FARP1: variants seen among roughly 807,000 people sequenced by gnomAD.
FARP1 encodes FERM, ARH/RhoGEF and pleckstrin domain protein 1.
A neutral mutation model predicts 128.8 loss-of-function variants in FARP1; 52 were observed. That is an observed-to-expected ratio of 0.40 (90% confidence interval 0.32 to 0.51). FARP1 has a LOEUF of 0.51. Ranked by LOEUF, FARP1 falls within the 20% of genes least tolerant of loss-of-function variation. The pLI is 0.45. For synonymous variants in FARP1, 580 were observed against 551.8 expected (o/e 1.05, Z -0.72); for missense variants, 1,333 against 1,367.9 (o/e 0.97, Z 0.40).
At chr13:98,283,097 A>G (rs565009598) in intron 2 of FARP1, among the ~76,000 whole-genome samples, 59 of 152,302 alleles carry the variant, frequency 3.9e-4, no homozygotes, top group Middle Eastern at 6.8e-3. Context: ...CTTTATGTGC[A>G]CTTGAGCGAA....
In FARP1 at chr13:98,448,237, T is replaced by C; in HGVS notation, c.3058T>C (p.Trp1020Arg). The C allele has an allele frequency of 6.2e-7, 1 of 1,613,576 alleles. No homozygotes were observed. Among genetic ancestry groups the C allele is most frequent in the Non-Finnish European group, 8.5e-7 (1 of 1,179,578 alleles). ...CTAACTGGCGTTCCCGTGTTGCAGG[T>C]GGATGGAAGTGATCCGCAGTGCCAC... ...RAESEYTFER[W>R]MEVIRSATSS... The change falls in exon 27 of 27, where the codon TGG becomes CGG. Residue 1020 changes from tryptophan to arginine, a missense_variant and splice_region_variant. By Grantham distance (101) the Trp-to-Arg change is moderately radical. This residue lies in a region of FARP1 where 1,009 missense variants were observed against 969.8 expected (regional missense o/e 1.04). Transcript: ENST00000319562.
Position 98,379,151 on chromosome 13 carries a change from A to AAT in FARP1, c.496+1243_496+1244dup, listed in dbSNP as rs375616871. Among the ~76,000 whole-genome samples the AAT allele has an allele frequency of 1.2e-4, 8 of 68,684 alleles. 2 individuals carry two copies. The highest frequency in any genetic ancestry group is 2.6e-4 in the East Asian group (1 of 3,830). The allele number at this position is 68,684 out of a possible 152,430, so 45.1% of individuals were successfully genotyped here. ...TATATATAATATATAATCTATATAT[A>AAT]ATATATATATAATATATAATCTATA... On this transcript the variant is annotated intron_variant, in intron 6 of 26. Coordinates refer to ENST00000319562, the MANE Select transcript of FARP1 (RefSeq NM_005766.4).
chr13:98,247,625 A>G (rs1299614073), intron 2 of FARP1, among the ~76,000 whole-genome samples: 3 of 152,234 alleles, frequency 2.0e-5, no homozygotes, highest in Non-Finnish European at 4.4e-5. Context: ...GCTGGGATCC[A>G]GGGCAGGGGA....
rs1354374418 is a variant in FARP1, at chr13:98,411,885, G to A, written c.1693-16G>A. ...TGATCTTTCCACCCGTAAGTGCATC[G>A]TCTTCTTCTTTCCAGTGGTTTCAGA... On this transcript the variant is annotated splice_polypyrimidine_tract_variant and intron_variant, in intron 15 of 26. Transcript: ENST00000319562. 7.4e-6 allele frequency: 12 copies of A among 1,612,802 alleles called. No individual in the cohort carries two copies. The highest frequency in any genetic ancestry group is 2.2e-5 in the South Asian group (2 of 90,896).
At chr13:98,406,168 GAATTTT>G (rs1890963976) in intron 13 of FARP1, 1 of 152,176 alleles carries the variant, frequency 6.6e-6, no homozygotes, top group Middle Eastern at 3.2e-3. Flanking sequence ...AGTCAAAAGA[GAATTTT>G]AATTACTCAT....
At chr13:98,212,683 A>G (rs1880806422) in intron 1 of FARP1, among the ~76,000 whole-genome samples, 1 of 152,174 alleles carries the variant, frequency 6.6e-6, no homozygotes, top group Admixed American at 6.5e-5. Flanking sequence ...AGACACTAGA[A>G]ACCAAGAAAA....
chr13:98,206,406 C>A (rs1880270462), intron 1 of FARP1, among the ~76,000 whole-genome samples: 1 of 152,164 alleles, frequency 6.6e-6, no homozygotes, highest in African/African-American at 2.4e-5. Flanking sequence ...TACTGTGAAT[C>A]TGCACACCTG....
chr13:98,320,540 G>A (rs1720419208), intron 2 of FARP1, among the ~76,000 whole-genome samples: 1 of 152,110 alleles, frequency 6.6e-6, no homozygotes, highest in Non-Finnish European at 1.5e-5. Flanking sequence ...ACACCTCATG[G>A]AGATACTAAG....
rs376396118 is a variant in FARP1, at chr13:98,425,794, T to G, written c.1905+1144T>G. On this transcript the variant is annotated intron_variant, in intron 17 of 26. Coordinates refer to ENST00000319562, the MANE Select transcript of FARP1 (RefSeq NM_005766.4). The stretch of plus-strand genomic sequence containing the variant: ...ATATTAAATTAATACTCTACCACAT[T>G]TAAAAAGTCTGCCCCATCTCTTATA... 1.1e-4 allele frequency among the ~76,000 whole-genome samples: 16 copies of G among 152,348 alleles called. No homozygotes were observed. The East Asian group carries it at 2.9e-3, about 28-fold the overall frequency.
At chr13:98,386,694 T>G (rs1475963136) in intron 8 of FARP1, among the ~76,000 whole-genome samples, 1 of 152,204 alleles carries the variant, frequency 6.6e-6, no homozygotes, top group African/African-American at 2.4e-5. Context: ...GCACCCGCCT[T>G]TCTCATGAAA....
intron 1 of FARP1, among the ~76,000 whole-genome samples, chr13:98,151,997 T>C (rs1876046719): frequency 6.6e-6 from 1 of 152,146 alleles, no homozygotes; most frequent in Admixed American, 6.5e-5. Context: ...AAGTTATCAA[T>C]GCTCTTTCCC....
chr13:98,151,609 T>C (rs1308640598), intron 1 of FARP1, among the ~76,000 whole-genome samples: 1 of 151,642 alleles, frequency 6.6e-6, no homozygotes. Flanking sequence ...AGGTGACAAT[T>C]TGGAGTATAG....
intron 18 of FARP1, chr13:98,432,971 G>A (rs1191132759): frequency 6.6e-6 from 1 of 152,650 alleles, no homozygotes; most frequent in Admixed American, 6.5e-5. Context: ...GGATCTCGAA[G>A]GGAAATGGTG....
In FARP1 at chr13:98,424,639, C is replaced by G. The variant is rs1566309737; in HGVS notation, c.1894C>G (p.Gln632Glu). 6.2e-7 allele frequency: 1 copy of G among 1,612,060 alleles called. No homozygotes were observed. The highest frequency in any genetic ancestry group is 8.5e-7 in the Non-Finnish European group (1 of 1,178,084). ...CGGCGATGTCATGCTGAAGAACATT[C>G]AGGGCATGAAGGTGAGCTGGTTGAG... ...RIGDVMLKNIQGMKHLAAHLW... is the reference protein window; with the variant it reads ...RIGDVMLKNIEGMKHLAAHLW... Residue 632 changes from glutamine to glutamate, a missense_variant, in exon 17 of 27, where the codon CAG becomes GAG. Coordinates refer to ENST00000319562, the MANE Select transcript of FARP1 (RefSeq NM_005766.4).
In FARP1 at chr13:98,346,913, C is replaced by T. The variant is rs543620661; in HGVS notation, c.276+3047C>T. Among the ~76,000 whole-genome samples, 6 of 152,232 alleles carry T rather than the reference C, an allele frequency of 3.9e-5. No homozygotes were observed. The South Asian group carries it at 1.0e-3, about 26-fold the overall frequency. ...TTTGTAAAAATCCAGTGAGTTCTGC[C>T]TTACAACATGTGACATCGATAACTT... On this transcript the variant is annotated intron_variant, in intron 3 of 26. Coordinates refer to ENST00000319562, the MANE Select transcript of FARP1 (RefSeq NM_005766.4).
chr13:98,324,731 C>T (rs532389281), intron 2 of FARP1, among the ~76,000 whole-genome samples: 2 of 152,158 alleles, frequency 1.3e-5, no homozygotes, highest in Non-Finnish European at 2.9e-5. Context: ...TTTCAAATTC[C>T]TCTCCTTTTC....
intron 2 of FARP1, among the ~76,000 whole-genome samples, chr13:98,237,519 T>C (rs1223991627): frequency 6.6e-6 from 1 of 152,246 alleles, no homozygotes; most frequent in Admixed American, 6.5e-5. Context: ...TTTTAGTATC[T>C]GCTTCAAATG....
intron 1 of FARP1, among the ~76,000 whole-genome samples, chr13:98,177,633 C>T (rs1025016022): frequency 2.7e-5 from 4 of 150,394 alleles, no homozygotes; most frequent in African/African-American, 9.8e-5. Flanking sequence ...GGTGACAGAG[C>T]GAGACCCTGT....
chr13:98,398,742 A>T (rs1489168630), intron 13 of FARP1: 1 of 152,202 alleles, frequency 6.6e-6, no homozygotes, highest in Non-Finnish European at 1.5e-5. Flanking sequence ...TGTTCAGTGA[A>T]GTGTGAGTTA....
Sources: allele counts gnomAD v4.1 joint callset (sites outside exome capture counted in the v4.1 genomes callset), GRCh38; gene constraint gnomAD v4.1.1; regional missense constraint gnomAD v4.1.1; transcripts MANE v1.5; gene names NCBI Gene and HGNC (gene_info 2026-07-23, HGNC 2026-07-21).